Variants in DPH7 observed in about 807,000 individuals in gnomAD.
DPH7 encodes diphthine methyltransferase.
Under a neutral mutation model 41.7 loss-of-function variants are expected in DPH7, and 44 were observed. The ratio of observed to expected loss-of-function variants is 1.05; its 90% CI spans 0.83 to 1.36. DPH7 has a LOEUF of 1.36. Among genes scored for constraint, DPH7 ranks in the 40% most tolerant of loss-of-function variants. DPH7 has a pLI of 0.00. For synonymous variants in DPH7, 275 were observed against 238.0 expected, an observed-to-expected ratio of 1.16 and a Z score of -1.43; for missense variants, 629 against 577.5, an observed-to-expected ratio of 1.09 and a Z score of -0.91.
In DPH7 at chr9:137,564,585, C is replaced by T. The variant is rs1406358425; in HGVS notation, c.798G>A (p.Leu266=). ...GCTGCTTCATGTTTCGTGTGTCCCA[C>T]AGTAGGATGTGTTCATCATAGCTGA... ...ATGSYDEHIL[L]WDTRNMKQPL... The change falls in exon 8 of 9, where the codon CTG becomes CTA. Residue 266 remains leucine, a synonymous_variant. Coordinates refer to ENST00000277540, the MANE Select transcript of DPH7 (RefSeq NM_138778.5). 1 of 1,613,212 alleles carries T rather than the reference C, an allele frequency of 6.2e-7. No individual in the cohort carries two copies. The highest frequency in any genetic ancestry group is 1.3e-5 in the African/African-American group (1 of 74,920).
rs1455618753 is a variant in DPH7, at chr9:137,578,646, C to T, written c.132G>A (p.Arg44=). ...GTYQLRRPED[R]PAGPQNKGGM... is the part of the protein sequence containing the mutation. ...GCACCTTGTTCTGGGGGCCGGCAGG[C>T]CGGTCCTCCGGCCGCCGCAGCTGGT... The change falls in exon 1 of 9, where the codon CGG becomes CGA. Residue 44 remains arginine, a synonymous_variant. Transcript: ENST00000277540. 6.6e-7 allele frequency: 1 copy of T among 1,515,820 alleles called. No individual in the cohort carries two copies. Among genetic ancestry groups the T allele is most frequent in the South Asian group, 1.2e-5 (1 of 81,692 alleles). The allele number at this position is 1,515,820 out of a possible 1,614,324, so 93.9% of individuals were successfully genotyped here. A position where few individuals can be genotyped will look rare whatever the true frequency, so the allele number is the denominator to read the frequency against.
chr9:137,561,716 TATA>T (rs1188063719), intron 8 of DPH7, among the ~76,000 whole-genome samples: 1 of 152,144 alleles, frequency 6.6e-6, no homozygotes, highest in East Asian at 1.9e-4. Flanking sequence ...ACAGACACTT[TATA>T]TTGATAAAAG....
chr9:137,573,360 CAAAAAAAAAAAA>C (rs34523698), intron 5 of DPH7, among the ~76,000 whole-genome samples: 1 of 40,278 alleles, frequency 2.5e-5, no homozygotes, highest in Admixed American at 3.8e-4. Flanking sequence ...GACTCCATCT[CAAAAAAAAAAAA>C]AAAAAAAAAA....
rs1237398048 is a variant in DPH7, at chr9:137,569,433, T to C, written c.641-4279A>G. Among the ~76,000 whole-genome samples, 3 of 108,888 alleles carry C rather than the reference T, an allele frequency of 2.8e-5. No homozygotes were observed. The South Asian group carries it at 1.1e-3, about 39-fold the overall frequency. 71.4% of individuals were successfully genotyped at this position (108,888 alleles called of 152,430 possible). Reference sequence around the variant, plus strand: ...AATCCATCCATCCACCCACCATCCATCCATCCAGCCAGCCAGTCACTCACC... The same window carrying C: ...AATCCATCCATCCACCCACCATCCACCCATCCAGCCAGCCAGTCACTCACC... On this transcript the variant is annotated intron_variant, in intron 5 of 8. Coordinates refer to ENST00000277540, the MANE Select transcript of DPH7 (RefSeq NM_138778.5).
intron 5 of DPH7, among the ~76,000 whole-genome samples, chr9:137,572,934 A>G (rs1840692111): frequency 6.6e-6 from 1 of 152,236 alleles, no homozygotes; most frequent in African/African-American, 2.4e-5. Flanking sequence ...CTTCCAGTAA[A>G]AGCATAAAGG....
chr9:137,569,500 C>G (rs1190553999), intron 5 of DPH7, among the ~76,000 whole-genome samples: 1 of 108,416 alleles, frequency 9.2e-6, no homozygotes, highest in Non-Finnish European at 1.9e-5. Flanking sequence ...CACCATCCAT[C>G]GACCCACCCG....
chr9:137,575,057 T>G (rs948879274), intron 3 of DPH7: 7 of 1,345,978 alleles, frequency 5.2e-6, no homozygotes, highest in Non-Finnish European at 6.7e-6. Flanking sequence ...CTCCTCACAC[T>G]TGCAGGACAA....
intron 8 of DPH7, among the ~76,000 whole-genome samples, chr9:137,557,498 CTG>C (rs2132799093): frequency 6.6e-6 from 1 of 151,178 alleles, no homozygotes; most frequent in Admixed American, 6.6e-5. Flanking sequence ...GAGCAAGACT[CTG>C]TCTCAAAAAA....
intron 5 of DPH7, 88 bp from the exon 6 acceptor site, chr9:137,565,242 CCGGGG>C: frequency 7.6e-7 from 1 of 1,308,966 alleles, no homozygotes. Context: ...AGGAAGCTCC[CCGGGG>C]TGACTGTCTG....
chr9:137,569,922 C>A, intron 5 of DPH7, among the ~76,000 whole-genome samples: 1 of 150,886 alleles, frequency 6.6e-6, no homozygotes, highest in East Asian at 2.0e-4. Context: ...TCCACTCACC[C>A]ACTATCTATC....
At chr9:137,561,021 CAAAA>C (rs869251490) in intron 8 of DPH7, among the ~76,000 whole-genome samples, 5 of 80,676 alleles carry the variant, frequency 6.2e-5, no homozygotes, top group African/African-American at 1.4e-4. Flanking sequence ...GACCCCATCT[CAAAA>C]AAAAAAAAAA....
Position 137,556,901 on chromosome 9 carries a change from CTG to C in DPH7, c.950-1255_950-1254del. The stretch of plus-strand genomic sequence containing the variant: ...ACAGCGAATGAGTGGACGGAAGACA[CTG>C]TTGCGACCCCAAGAATGGGAGGCCC... On this transcript the variant is annotated intron_variant, in intron 8 of 8. Coordinates refer to ENST00000277540, the MANE Select transcript of DPH7 (RefSeq NM_138778.5). The surrounding 1 kb of genome is among the most constrained non-coding windows in gnomAD (Gnocchi z 5.2). 2.2e-6 allele frequency: 1 copy of C among 456,614 alleles called. No homozygotes were observed. Among genetic ancestry groups the C allele is most frequent in the Non-Finnish European group, 4.4e-6 (1 of 226,934 alleles). The allele number at this position is 456,614 out of a possible 1,614,324, so 28.3% of individuals were successfully genotyped here.
Position 137,558,631 on chromosome 9 carries a change from C to A in DPH7, c.950-2983G>T, listed in dbSNP as rs143133604. On this transcript the variant is annotated intron_variant, in intron 8 of 8. Transcript: ENST00000277540. ...TCTAGAAAAGGCAAATCCCCATAGA[C>A]AGAGTAAACGGAGGTTATAGAGGCT... Among the ~76,000 whole-genome samples the A allele has an allele frequency of 5.1e-3, 771 of 152,298 alleles. 10 individuals are homozygous for A. Among genetic ancestry groups the A allele is most frequent in the African/African-American group, 0.018 (744 of 41,550 alleles).
At chr9:137,574,463 G>C in intron 4 of DPH7, 83 bp from the exon 5 acceptor site, 1 of 1,446,066 alleles carries the variant, frequency 6.9e-7, no homozygotes, top group Non-Finnish European at 9.5e-7. Flanking sequence ...CCTGAGAGAC[G>C]GTCTCCACAG....
rs1226681295 is a variant in DPH7, at chr9:137,556,712, T to TGTCCCTTGGGAGGTAGCGTCACA, written c.950-1087_950-1065dup. On this transcript the variant is annotated intron_variant, in intron 8 of 8. Transcript: ENST00000277540. The surrounding 1 kb of genome is among the most constrained non-coding windows in gnomAD (Gnocchi z 5.2). ...AGGAAGCCCCTGGGGAGGCCGTTAC[T>TGTCCCTTGGGAGGTAGCGTCACA]GTCCCTTGGGAGGTAGCGTCACAGG... is the stretch of plus-strand genomic sequence containing the variant. The TGTCCCTTGGGAGGTAGCGTCACA allele has an allele frequency of 2.1e-4, 88 of 418,842 alleles. No individual in the cohort carries two copies. The highest frequency in any genetic ancestry group is 1.8e-3 in the African/African-American group (87 of 48,762). 25.9% of individuals were successfully genotyped at this position (418,842 alleles called of 1,614,324 possible). A position where few individuals can be genotyped will look rare whatever the true frequency, so the allele number is the denominator to read the frequency against.
chr9:137,574,498 AAG>A, intron 4 of DPH7, 118 bp from the exon 5 acceptor site: 1 of 1,107,592 alleles, frequency 9.0e-7, no homozygotes, highest in Non-Finnish European at 1.3e-6. Flanking sequence ...TATGCCCCTT[AAG>A]AGACTGGCGG....
chr9:137,560,620 C>T (rs146191001), intron 8 of DPH7, among the ~76,000 whole-genome samples: 3,860 of 152,000 alleles, frequency 0.025, 177 homozygotes, highest in African/African-American at 0.087. Flanking sequence ...TTTGGGAGGC[C>T]GAGGCGGGCG....
intron 8 of DPH7, among the ~76,000 whole-genome samples, chr9:137,562,875 G>A (rs1319690621): frequency 6.6e-6 from 1 of 152,212 alleles, no homozygotes; most frequent in Non-Finnish European, 1.5e-5. Flanking sequence ...GCTGAGGCAG[G>A]AGAATTGCTT....
rs767037174 is a variant in DPH7 at position 137,577,569 on chromosome 9, A to G, written c.188T>C (p.Leu63Ser). ...GMEVKEPQVR[L>S]GRLFLYSFND... ...GAAACTGTACAGGAAGAGACGGCCT[A>G]AACGGACCTGAGGCTCCTTAACTTC... Residue 63 changes from leucine to serine, a missense_variant, in exon 2 of 9, where the codon TTA (leucine) becomes TCA (serine). Physicochemically the swap from Leu to Ser is moderately radical, Grantham distance 145 (BLOSUM62 -2). Transcript: ENST00000277540. 2.5e-6 allele frequency: 4 copies of G among 1,614,086 alleles called. No homozygotes were observed. The East Asian group carries it at 8.9e-5, about 36-fold the overall frequency.
Sources: allele counts gnomAD v4.1 joint callset (sites outside exome capture counted in the v4.1 genomes callset), GRCh38; gene constraint gnomAD v4.1.1; non-coding constraint Gnocchi (gnomAD v3.1); transcripts MANE v1.5; gene names NCBI Gene and HGNC (gene_info 2026-07-23, HGNC 2026-07-21).